The following PLCH1 variants were observed in gnomAD, a reference collection of about 807,000 sequenced individuals.
PLCH1 encodes 1-phosphatidylinositol 4,5-bisphosphate phosphodiesterase eta-1.
A neutral mutation model predicts 126.7 loss-of-function variants in PLCH1; 60 were observed. The observed-to-expected ratio is 0.47, with a 90% CI of 0.38 to 0.59. The LOEUF (loss-of-function observed/expected upper bound fraction) is 0.59. Ranked by LOEUF, PLCH1 falls within the 20% of genes least tolerant of loss-of-function variation. PLCH1 has a pLI of 0.00. For synonymous variants in PLCH1, 719 were observed against 734.9 expected, an observed-to-expected ratio of 0.98 and a Z score of 0.35; for missense variants, 1,723 against 2,040.0, an observed-to-expected ratio of 0.84 and a Z score of 2.99.
intron 4 of PLCH1, among the ~76,000 whole-genome samples, chr3:155,588,940 A>G (rs1391693780): frequency 6.6e-6 from 1 of 152,202 alleles, no homozygotes; most frequent in Non-Finnish European, 1.5e-5. Flanking sequence ...AACGGTCCAC[A>G]TAGTATACAA....
chr3:155,652,647 A>G (rs1265554163), intron 2 of PLCH1, among the ~76,000 whole-genome samples: 2 of 152,192 alleles, frequency 1.3e-5, no homozygotes, highest in Middle Eastern at 3.2e-3. Context: ...TAAATGCCTC[A>G]TCTCATTTAC....
chr3:155,529,763 T>TGTTTTGTTTC (rs1722423157), intron 10 of PLCH1, among the ~76,000 whole-genome samples: 1 of 150,872 alleles, frequency 6.6e-6, no homozygotes, highest in Non-Finnish European at 1.5e-5. Context: ...GCTTCTTTTT[T>TGTTTTGTTTC]GTTTTGTTTT....
At chr3:155,724,813 TTGTG>T (rs60805589) in intron 1 of PLCH1, among the ~76,000 whole-genome samples, 15,014 of 140,022 alleles carry the variant, frequency 0.11, 791 homozygotes, top group East Asian at 0.18. Context: ...TTGGGGGGTT[TTGTG>T]TGTGTGTGTG....
intron 21 of PLCH1, among the ~76,000 whole-genome samples, chr3:155,453,430 G>A (rs1033690189): frequency 2.0e-5 from 3 of 152,116 alleles, no homozygotes; most frequent in South Asian, 4.2e-4. Flanking sequence ...ACTGGGTGAA[G>A]GATATGCAGG....
intron 8 of PLCH1, among the ~76,000 whole-genome samples, chr3:155,554,736 G>A (rs1458611986): frequency 6.6e-6 from 1 of 152,108 alleles, no homozygotes; most frequent in Non-Finnish European, 1.5e-5. Flanking sequence ...ATCCTCGAGC[G>A]CTGCCAAGAT....
intron 2 of PLCH1, among the ~76,000 whole-genome samples, chr3:155,629,757 T>C (rs1464875801): frequency 6.6e-6 from 1 of 152,174 alleles, no homozygotes; most frequent in Admixed American, 6.5e-5. Context: ...CCCAAACTCC[T>C]CGCCAGGGGC....
intron 11 of PLCH1, among the ~76,000 whole-genome samples, chr3:155,521,915 A>G (rs1255689782): frequency 6.6e-6 from 1 of 152,256 alleles, no homozygotes; most frequent in Non-Finnish European, 1.5e-5. Flanking sequence ...ATGAAAGATC[A>G]TATCTAACTC....
chr3:155,685,539 A>T (rs913158325), intron 2 of PLCH1, among the ~76,000 whole-genome samples: 10 of 152,214 alleles, frequency 6.6e-5, no homozygotes, highest in Non-Finnish European at 1.5e-5. Context: ...GTTAAGGGGC[A>T]TAAAGTAGTT....
Position 155,542,032 on chromosome 3 carries a change from C to T in PLCH1, c.1362+7755G>A, listed in dbSNP as rs188310411. Among the ~76,000 whole-genome samples, 402 of 152,214 alleles carry T rather than the reference C, an allele frequency of 2.6e-3. 3 individuals carry two copies. The highest frequency in any genetic ancestry group is 3.4e-3 in the Middle Eastern group (1 of 294). The stretch of plus-strand genomic sequence containing the variant: ...TCACTAGGGAGTGCCAGACAGTGGG[C>T]GCAGGACAGTGGGTGCAGTGCACCA... On this transcript the variant is annotated intron_variant, in intron 10 of 22. Coordinates refer to ENST00000460012, the MANE Select transcript of PLCH1 (RefSeq NM_014996.4).
In PLCH1 at chr3:155,481,124, C is replaced by T. The variant is rs773309095; in HGVS notation, c.4902G>A (p.Thr1634=). The T allele has an allele frequency of 2.8e-5, 46 of 1,614,104 alleles. No individual in the cohort carries two copies. The highest frequency in any genetic ancestry group is 1.1e-4 in the South Asian group (10 of 91,094). The change falls in exon 23 of 23, where the codon ACG becomes ACA. Residue 1634 remains threonine, a synonymous_variant. Transcript: ENST00000460012. This position sits in a 1 kb window ranked among gnomAD's most constrained non-coding sequence, Gnocchi z 4.2. The part of the protein sequence containing the change: ...GSYIAGYLKN[T]KGGGLEGRGI... ...CCCGGCCTTCAAGGCCACCCCCTTT[C>T]GTGTTCTTCAGGTAGCCTGCGATGT...
Position 155,494,362 on chromosome 3 carries a change from A to G in PLCH1, c.2050T>C (p.Tyr684His). The G allele has an allele frequency of 6.2e-7, 1 of 1,614,140 alleles. No homozygotes were observed. Among genetic ancestry groups the G allele is most frequent in the Non-Finnish European group, 8.5e-7 (1 of 1,179,992 alleles). The change falls in exon 16 of 23, where the codon TAC (tyrosine) becomes CAC (histidine). Residue 684 changes from tyrosine to histidine, a missense_variant. By Grantham distance (83) the Tyr-to-His change is moderately conservative (BLOSUM62 2). Coordinates refer to ENST00000460012, the MANE Select transcript of PLCH1 (RefSeq NM_014996.4). ...IDSSNFNPLP[Y>H]WNAGCQLVAL... is the part of the protein sequence containing the mutation. ...CCTAGCTGGCAGCCTGCGTTCCAGT[A>G]GGGGAGAGGGTTGAAGTTACTGGAA...
chr3:155,721,006 G>C (rs1368728026), intron 1 of PLCH1, among the ~76,000 whole-genome samples: 1 of 152,100 alleles, frequency 6.6e-6, no homozygotes, highest in Admixed American at 6.5e-5. Flanking sequence ...TGTTTGCTTT[G>C]TTGAAGATCA....
In PLCH1 at chr3:155,621,753, G is replaced by A. The variant is rs534260059; in HGVS notation, c.80-25375C>T. On this transcript the variant is annotated intron_variant, in intron 2 of 22. Transcript: ENST00000460012. ...AACAAACAAAGCCTCCAAGAAATAC[G>A]GGACTATGTAAAAAGACCAAATCTA... Among the ~76,000 whole-genome samples, 13 of 152,254 alleles carry A rather than the reference G, an allele frequency of 8.5e-5. No homozygotes were observed. In the South Asian group the frequency reaches 2.5e-3, roughly 29 times the overall value.
intron 1 of PLCH1, among the ~76,000 whole-genome samples, chr3:155,705,123 C>A (rs1746558305): frequency 6.6e-6 from 1 of 152,176 alleles, no homozygotes; most frequent in African/African-American, 2.4e-5. Flanking sequence ...TGAAGCAAAA[C>A]CCACAGGTGG....
intron 4 of PLCH1, among the ~76,000 whole-genome samples, chr3:155,591,574 T>C (rs1259171000): frequency 6.6e-6 from 1 of 152,166 alleles, no homozygotes; most frequent in Non-Finnish European, 1.5e-5. Flanking sequence ...TTCTAACGTG[T>C]TTTGCTTTGA....
At chr3:155,572,955 C>T (rs1729425764) in intron 6 of PLCH1, among the ~76,000 whole-genome samples, 1 of 151,646 alleles carries the variant, frequency 6.6e-6, no homozygotes, top group Admixed American at 6.6e-5. Flanking sequence ...GCTATGTTGC[C>T]CAGGCTGGTC....
chr3:155,671,882 G>T (rs533392006), intron 2 of PLCH1, among the ~76,000 whole-genome samples: 1 of 152,206 alleles, frequency 6.6e-6, no homozygotes, highest in Non-Finnish European at 1.5e-5. Context: ...AAGTAAAAGA[G>T]TTAAAAGTAA....
intron 10 of PLCH1, among the ~76,000 whole-genome samples, chr3:155,546,730 C>T (rs868095341): frequency 0.047 from 6,943 of 148,536 alleles, 209 homozygotes; most frequent in Middle Eastern, 0.082. Flanking sequence ...TCAGAAATAA[C>T]GCCCCATGTC....
At chr3:155,494,718 G>T (rs1716778315) in intron 15 of PLCH1, among the ~76,000 whole-genome samples, 3 of 152,148 alleles carry the variant, frequency 2.0e-5, no homozygotes, top group Non-Finnish European at 4.4e-5. Flanking sequence ...GCCATTTTGA[G>T]GCCAAATCAG....
Sources: allele counts gnomAD v4.1 joint callset (sites outside exome capture counted in the v4.1 genomes callset), GRCh38; gene constraint gnomAD v4.1.1; non-coding constraint Gnocchi (gnomAD v3.1); transcripts MANE v1.5; gene names NCBI Gene and HGNC (gene_info 2026-07-23, HGNC 2026-07-21).